MIB1: variants seen among roughly 807,000 people sequenced by gnomAD.
MIB1 encodes MIB E3 ubiquitin protein ligase 1.
MIB1 carries 278 observed loss-of-function variants against 124.5 expected under a neutral mutation model. That is an observed-to-expected ratio of 2.23 (90% CI 2.02 to 2.47). The LOEUF is 2.47. Ranked by LOEUF, MIB1 falls within the 30% of genes most tolerant of loss-of-function variation. The pLI, the probability that MIB1 is intolerant of heterozygous loss-of-function variation, is 0.00. For synonymous variants in MIB1, 446 were observed against 429.4 expected (o/e 1.04, Z -0.48); for missense variants, 957 against 1,254.4 (o/e 0.76, Z 3.58).
At chr18:21,781,004 A>G (rs1042944474) in intron 6 of MIB1, among the ~76,000 whole-genome samples, 2 of 152,188 alleles carry the variant, frequency 1.3e-5, no homozygotes, top group African/African-American at 4.8e-5. Context: ...AACAGTCTAC[A>G]GGTGTTCCCC....
At chr18:21,770,498 A>G (rs1030907930) in intron 3 of MIB1, among the ~76,000 whole-genome samples, 9 of 151,902 alleles carry the variant, frequency 5.9e-5, no homozygotes, top group African/African-American at 1.7e-4. Context: ...TTTCTAATAT[A>G]TATTAGAGAT....
In MIB1 at chr18:21,768,672, A is replaced by G. The variant is rs951489312; in HGVS notation, c.451A>G (p.Ile151Val). ...ATCTAAGAAGATTACAGCCAGAGGA[A>G]TCTTTGCAGGTGCCAGAGTGGTGCG... ...RKSKKITARG[I>V]FAGARVVRGV... The change falls in exon 3 of 21, where the codon ATC becomes GTC. Residue 151 changes from isoleucine to valine, a missense_variant. Coordinates refer to ENST00000261537, the MANE Select transcript of MIB1 (RefSeq NM_020774.4). 6.2e-7 allele frequency: 1 copy of G among 1,604,508 alleles called. No homozygotes were observed. The highest frequency in any genetic ancestry group is 8.5e-7 in the Non-Finnish European group (1 of 1,175,026).
intron 1 of MIB1, among the ~76,000 whole-genome samples, chr18:21,709,274 C>T (rs1355807544): frequency 1.4e-5 from 2 of 146,302 alleles, no homozygotes; most frequent in Admixed American, 7.0e-5. Flanking sequence ...GCCCAGATAA[C>T]GCCACTGCAC....
chr18:21,712,048 C>T (rs750457489), intron 1 of MIB1: 1 of 177,670 alleles, frequency 5.6e-6, no homozygotes, highest in Non-Finnish European at 1.2e-5. Flanking sequence ...GTGTACTCTG[C>T]TAGCATTATC....
chr18:21,738,452 C>T (rs1252527822), upstream of MIB1, among the ~76,000 whole-genome samples: 1 of 152,118 alleles, frequency 6.6e-6, no homozygotes, highest in African/African-American at 2.4e-5. Context: ...AAATTTATAG[C>T]ACTAAATGCC....
chr18:21,844,695 C>G (rs2042120701), intron 15 of MIB1, among the ~76,000 whole-genome samples: 1 of 152,242 alleles, frequency 6.6e-6, no homozygotes, highest in Non-Finnish European at 1.5e-5. Flanking sequence ...TCCCACAGTG[C>G]TGGGATTACA....
At chr18:21,777,858 A>G (rs1295168451) in intron 4 of MIB1, among the ~76,000 whole-genome samples, 1 of 152,210 alleles carries the variant, frequency 6.6e-6, no homozygotes, top group African/African-American at 2.4e-5. Flanking sequence ...GTGTACAGCC[A>G]GATTCAGACA....
chr18:21,752,829 G>T (rs902214786), intron 1 of MIB1, among the ~76,000 whole-genome samples: 4 of 152,152 alleles, frequency 2.6e-5, no homozygotes, highest in Admixed American at 1.3e-4. Flanking sequence ...ACAAAGATAT[G>T]TATGAAGAAA....
In MIB1 at chr18:21,847,106, T is replaced by G; in HGVS notation, c.2374T>G (p.Cys792Gly). The G allele has an allele frequency of 6.2e-7, 1 of 1,614,052 alleles. No homozygotes were observed. The highest frequency in any genetic ancestry group is 2.2e-5 in the East Asian group (1 of 44,882). ...DPNLCKALAKCHKEKVSGQVG... is the reference protein window; with the variant it reads ...DPNLCKALAKGHKEKVSGQVG... The stretch of plus-strand genomic sequence containing the variant: ...GAATCTCTGCAAAGCACTGGCAAAG[T>G]GTCATAAGGAAAAAGTCAGGTTTGT... Residue 792 changes from cysteine to glycine, a missense_variant, in exon 16 of 21, where the codon TGT becomes GGT. Cys to Gly is a radical substitution (Grantham distance 159, BLOSUM62 -3). Transcript: ENST00000261537.
intron 6 of MIB1, among the ~76,000 whole-genome samples, chr18:21,788,614 C>T (rs761561185): frequency 2.0e-5 from 3 of 152,036 alleles, no homozygotes; most frequent in Non-Finnish European, 4.4e-5. Flanking sequence ...AGGTTCTAGT[C>T]ATAGCAACTA....
chr18:21,799,838 C>A lies in MIB1; in HGVS notation c.1238-3C>A, dbSNP rs749130045. On this transcript the variant is annotated splice_region_variant and splice_polypyrimidine_tract_variant and intron_variant, in intron 8 of 20. Transcript: ENST00000261537. ...ATTAGCAGCTTTATTTGATGCTTTA[C>A]AGAAAGACTCTCACAACTCCTGAAG... 1 of 1,608,274 alleles carries A rather than the reference C, an allele frequency of 6.2e-7. No individual in the cohort carries two copies. Among genetic ancestry groups the A allele is most frequent in the Admixed American group, 1.7e-5 (1 of 59,754 alleles).
intron 1 of MIB1, among the ~76,000 whole-genome samples, chr18:21,732,351 T>C (rs374228410): frequency 7.8e-5 from 11 of 141,058 alleles, no homozygotes; most frequent in South Asian, 2.4e-4. Context: ...ATTATATGTA[T>C]ACACACACAC....
At chr18:21,814,552 GC>G (rs1212219045) in intron 10 of MIB1, among the ~76,000 whole-genome samples, 9 of 152,012 alleles carry the variant, frequency 5.9e-5, no homozygotes, top group African/African-American at 2.2e-4. Context: ...CTGCATTCCA[GC>G]CTGGGTGACA....
chr18:21,756,703 A>G (rs2041036354), intron 1 of MIB1, among the ~76,000 whole-genome samples: 1 of 152,166 alleles, frequency 6.6e-6, no homozygotes, highest in African/African-American at 2.4e-5. Flanking sequence ...ATCTTAGGTG[A>G]TCTGCCCACC....
chr18:21,799,899 T>C lies in MIB1; in HGVS notation c.1296T>C (p.Asn432=), dbSNP rs2041631063. The change falls in exon 9 of 21, where the codon AAT becomes AAC. Residue 432 remains asparagine, a synonymous_variant. Coordinates refer to ENST00000261537, the MANE Select transcript of MIB1 (RefSeq NM_020774.4). ...AAACCCAAGAATCTGGTGACCTCAA[T>C]GAAGAATTAGTTAAGGCTGCTGCCA... The part of the protein sequence containing the change: ...LFETQESGDL[N]EELVKAAANG... The C allele has an allele frequency of 1.9e-6, 3 of 1,612,510 alleles. No homozygotes were observed. The highest frequency in any genetic ancestry group is 2.5e-6 in the Non-Finnish European group (3 of 1,178,886).
intron 9 of MIB1, among the ~76,000 whole-genome samples, chr18:21,803,073 G>C (rs1477157118): frequency 6.6e-6 from 1 of 152,120 alleles, no homozygotes; most frequent in Non-Finnish European, 1.5e-5. Flanking sequence ...GTGGCTTCCT[G>C]TTCTCTCTAA....
intron 6 of MIB1, among the ~76,000 whole-genome samples, chr18:21,787,815 C>CT (rs2041454306): frequency 6.8e-6 from 1 of 147,324 alleles, no homozygotes; most frequent in South Asian, 2.1e-4. Context: ...TGTTTCTACT[C>CT]TGAGATTTTG....
intron 10 of MIB1, among the ~76,000 whole-genome samples, chr18:21,804,881 T>C (rs2041686962): frequency 6.6e-6 from 1 of 152,178 alleles, no homozygotes; most frequent in South Asian, 2.1e-4. Context: ...TATGTTACTT[T>C]TTCTTTTTTC....
intron 20 of MIB1, 62 bp downstream of exon 20, chr18:21,858,708 C>A: frequency 1.2e-6 from 1 of 835,654 alleles, no homozygotes. Context: ...TCCCGTAAAA[C>A]TACTAGTGTT....
Sources: gnomAD v4.1 joint callset for allele counts (sites outside exome capture counted in the v4.1 genomes callset) on GRCh38, gnomAD v4.1.1 for gene constraint, MANE v1.5 for transcripts, NCBI Gene and HGNC (gene_info 2026-07-23, HGNC 2026-07-21) for gene names.